The following ABTB2 variants were observed in gnomAD, a reference collection of about 807,000 sequenced individuals.
The protein encoded by ABTB2 is ankyrin repeat and BTB domain containing 2, also known as ankyrin repeat and BTB/POZ domain-containing protein 2.
ABTB2 carries 56 observed loss-of-function variants against 104.1 expected under a neutral mutation model. That is an observed-to-expected ratio of 0.54 (90% CI 0.43 to 0.67). ABTB2 has a LOEUF of 0.67. Ranked by LOEUF, ABTB2 falls within the 30% of genes least tolerant of loss-of-function variation. ABTB2 has a pLI of 0.00. For missense variants in ABTB2, 1,279 were observed against 1,407.7 expected (o/e 0.91, Z 1.46); for synonymous variants, 606 against 608.2 (o/e 1.00, Z 0.05).
chr11:34,349,335 C>G (rs1855371823), intron 1 of ABTB2, among the ~76,000 whole-genome samples: 1 of 152,192 alleles, frequency 6.6e-6, no homozygotes, highest in African/African-American at 2.4e-5. Context: ...TCTCTGCCCA[C>G]TGCCAGACCA....
chr11:34,180,171 C>G (rs992950399), intron 3 of ABTB2, among the ~76,000 whole-genome samples: 1 of 152,178 alleles, frequency 6.6e-6, no homozygotes, highest in Non-Finnish European at 1.5e-5. Context: ...CATGTAAAGC[C>G]TGCAAAAGTC....
intron 1 of ABTB2, among the ~76,000 whole-genome samples, chr11:34,205,690 G>A (rs1476450113): frequency 6.6e-6 from 1 of 151,976 alleles, no homozygotes; most frequent in African/African-American, 2.4e-5. Flanking sequence ...GATAACTGGA[G>A]AGCACCGGGA....
intron 1 of ABTB2, among the ~76,000 whole-genome samples, chr11:34,255,513 G>A (rs1407959505): frequency 6.7e-6 from 1 of 149,378 alleles, no homozygotes; most frequent in Non-Finnish European, 1.5e-5. Flanking sequence ...TTTTTTTTGA[G>A]ACACAGTCTC....
chr11:34,172,148 G>A (rs981463308), intron 4 of ABTB2, among the ~76,000 whole-genome samples: 44 of 151,986 alleles, frequency 2.9e-4, no homozygotes, highest in African/African-American at 1.0e-3. Flanking sequence ...CAAGGTGGGT[G>A]GATCACCTGG....
At chr11:34,325,700 C>T (rs1855061191) in intron 1 of ABTB2, among the ~76,000 whole-genome samples, 1 of 152,116 alleles carries the variant, frequency 6.6e-6, no homozygotes, top group South Asian at 2.1e-4. Context: ...CCTGCAATCC[C>T]AGCACTTTGG....
chr11:34,229,598 A>C (rs762601116), intron 1 of ABTB2, among the ~76,000 whole-genome samples: 55 of 152,220 alleles, frequency 3.6e-4, no homozygotes, highest in Non-Finnish European at 6.6e-4. Flanking sequence ...CGGAAGAGGC[A>C]CATAAAATGG....
chr11:34,310,165 G>A (rs1429301210), intron 1 of ABTB2, among the ~76,000 whole-genome samples: 2 of 152,160 alleles, frequency 1.3e-5, no homozygotes, highest in African/African-American at 2.4e-5. Context: ...GAGAGCCCAG[G>A]AAGGGCTCGA....
intron 1 of ABTB2, among the ~76,000 whole-genome samples, chr11:34,222,137 A>G (rs939168588): frequency 2.6e-5 from 4 of 152,194 alleles, no homozygotes; most frequent in African/African-American, 9.6e-5. Flanking sequence ...CTTCCAGGTT[A>G]TAGGTAGATT....
intron 6 of ABTB2, 140 bp from the exon 7 acceptor site, chr11:34,167,500 T>C (rs1442759378): frequency 1.3e-6 from 1 of 759,068 alleles, no homozygotes; most frequent in African/African-American, 1.8e-5. Context: ...TGGACAAGGC[T>C]CAAAAAGAGA....
intron 7 of ABTB2, among the ~76,000 whole-genome samples, chr11:34,165,673 A>G (rs1852790345): frequency 6.6e-6 from 1 of 152,236 alleles, no homozygotes; most frequent in Admixed American, 6.5e-5. Context: ...CATGTGGATG[A>G]GCAGCACAGA....
intron 2 of ABTB2, among the ~76,000 whole-genome samples, chr11:34,202,468 G>A (rs1369638807): frequency 6.6e-6 from 1 of 151,938 alleles, no homozygotes; most frequent in African/African-American, 2.4e-5. Flanking sequence ...TTTACCGAGT[G>A]AGCCGGGAAG....
At chr11:34,338,959 C>T (rs1463990361) in intron 1 of ABTB2, among the ~76,000 whole-genome samples, 3 of 152,188 alleles carry the variant, frequency 2.0e-5, no homozygotes, top group Non-Finnish European at 2.9e-5. Context: ...AAATCAGCAA[C>T]AGTATCTACC....
rs1168711645 is a variant in ABTB2 at position 34,157,589 on chromosome 11, C to CA, written c.2697+1706dup. On this transcript the variant is annotated intron_variant, in intron 14 of 16. Coordinates refer to ENST00000435224, the MANE Select transcript of ABTB2 (RefSeq NM_145804.3). ...CATGACTCCACCTCCTGCTCCCACT[C>CA]ACCTGGACATGTTCCTAAAGCTGCC... Among the ~76,000 whole-genome samples, 30 of 152,364 alleles carry CA rather than the reference C, an allele frequency of 2.0e-4. 1 individual carries two copies. Among genetic ancestry groups the CA allele is most frequent in the African/African-American group, 5.8e-4 (24 of 41,580 alleles).
At chr11:34,269,309 G>T (rs1854286280) in intron 1 of ABTB2, among the ~76,000 whole-genome samples, 1 of 152,202 alleles carries the variant, frequency 6.6e-6, no homozygotes, top group Admixed American at 6.5e-5. Context: ...TGGCTCTGTT[G>T]TTTAGGGCAG....
chr11:34,159,507 T>C, intron 13 of ABTB2, 121 bp from the exon 14 acceptor site: 1 of 690,602 alleles, frequency 1.4e-6, no homozygotes, highest in Non-Finnish European at 2.6e-6. Context: ...AAATTACTGC[T>C]GTGCTCCTAA....
chr11:34,193,519 A>C lies in ABTB2; in HGVS notation c.1244+3806T>G, dbSNP rs112108606. ...AAAGGCAAAGGCCTTGAGGTGAGAG[A>C]GACCTCAGGTTTGAATCCTGGCCTC... On this transcript the variant is annotated intron_variant, in intron 3 of 16. Transcript: ENST00000435224. Among the ~76,000 whole-genome samples, 1,340 of 152,358 alleles carry C rather than the reference A, an allele frequency of 8.8e-3. 20 individuals are homozygous for C. Among genetic ancestry groups the C allele is most frequent in the African/African-American group, 0.031 (1,272 of 41,582 alleles).
chr11:34,277,501 T>C (rs1854394912), intron 1 of ABTB2, among the ~76,000 whole-genome samples: 1 of 151,690 alleles, frequency 6.6e-6, no homozygotes, highest in African/African-American at 2.4e-5. Flanking sequence ...CAAACAGATT[T>C]GGCTGGGTAC....
intron 1 of ABTB2, among the ~76,000 whole-genome samples, chr11:34,249,570 G>A (rs1290982808): frequency 6.6e-6 from 1 of 152,190 alleles, no homozygotes; most frequent in East Asian, 1.9e-4. Context: ...CAGAAAGGGG[G>A]AGGTCATTTG....
At chr11:34,335,122 C>A in intron 1 of ABTB2, 1 of 1,193,334 alleles carries the variant, frequency 8.4e-7, no homozygotes, top group South Asian at 1.3e-5. Context: ...CGCTAATTTC[C>A]ACTTAATTTC....
Sources: allele counts gnomAD v4.1 joint callset (sites outside exome capture counted in the v4.1 genomes callset), GRCh38; gene constraint gnomAD v4.1.1; transcripts MANE v1.5; gene names NCBI Gene and HGNC (gene_info 2026-07-23, HGNC 2026-07-21).